Variants in SPHKAP observed in about 807,000 individuals in gnomAD.
SPHKAP encodes SPHK1 interactor, AKAP domain containing.
In SPHKAP, 67 loss-of-function variants were observed where a neutral mutation model predicts 137.5. That is an observed-to-expected ratio of 0.49 (90% CI 0.40 to 0.60). The LOEUF is 0.60. SPHKAP is among the 20% of genes least tolerant of loss of function. SPHKAP has a pLI of 0.00. For synonymous variants in SPHKAP, 813 were observed against 785.3 expected, an observed-to-expected ratio of 1.04 and a Z score of -0.59; for missense variants, 2,097 against 2,069.3, an observed-to-expected ratio of 1.01 and a Z score of -0.26.
chr2:228,041,709 C>T (rs1241688267), intron 3 of SPHKAP, among the ~76,000 whole-genome samples: 2 of 150,448 alleles, frequency 1.3e-5, no homozygotes, highest in African/African-American at 4.9e-5. Context: ...CTTATGATCA[C>T]TAGAGGGTAT....
At chr2:228,107,922 C>T (rs1698394426) in intron 3 of SPHKAP, among the ~76,000 whole-genome samples, 1 of 152,162 alleles carries the variant, frequency 6.6e-6, no homozygotes, top group Non-Finnish European at 1.5e-5. Flanking sequence ...ATTGAATGGA[C>T]TGTATTTCTG....
At chr2:228,126,544 G>T (rs539686002) in intron 2 of SPHKAP, among the ~76,000 whole-genome samples, 12 of 152,236 alleles carry the variant, frequency 7.9e-5, no homozygotes, top group Non-Finnish European at 7.4e-5. Flanking sequence ...AAAAAAGAGG[G>T]AGAGAAAAGA....
intron 2 of SPHKAP, among the ~76,000 whole-genome samples, chr2:228,114,821 A>G (rs1324048305): frequency 6.6e-6 from 1 of 152,128 alleles, no homozygotes. Flanking sequence ...TCAGTCAACC[A>G]ATGCTCATTG....
chr2:228,173,530 G>A (rs988066107), intron 1 of SPHKAP, among the ~76,000 whole-genome samples: 12 of 152,322 alleles, frequency 7.9e-5, no homozygotes, highest in Non-Finnish European at 1.6e-4. Context: ...GTCAGATGGT[G>A]TGATGGGAGA....
chr2:228,066,042 G>A (rs1696818091), intron 3 of SPHKAP, among the ~76,000 whole-genome samples: 1 of 152,160 alleles, frequency 6.6e-6, no homozygotes, highest in African/African-American at 2.4e-5. Context: ...TTATTCTGGG[G>A]GCAGGGGGCT....
intron 7 of SPHKAP, among the ~76,000 whole-genome samples, chr2:228,006,660 T>A (rs898233073): frequency 2.0e-5 from 3 of 152,204 alleles, no homozygotes; most frequent in African/African-American, 7.2e-5. Flanking sequence ...CTTTTCCCCA[T>A]CTCTGTGGTT....
At chr2:228,116,340 A>G (rs895007064) in intron 2 of SPHKAP, among the ~76,000 whole-genome samples, 1 of 152,152 alleles carries the variant, frequency 6.6e-6, no homozygotes, top group African/African-American at 2.4e-5. Flanking sequence ...TTCAAATTCC[A>G]ATTCTTCCAT....
chr2:228,016,642 TTC>T lies in SPHKAP; in HGVS notation c.4210_4211del (p.Glu1404AsnfsTer28). On this transcript the variant is annotated frameshift_variant, in exon 7 of 12. Transcript: ENST00000392056. LOFTEE classifies it high-confidence loss of function. ...GTACAGGGTCCTGGCACGAGGAAGTTTCTTTTTTAGAATCTAAAGGGCTGTGG... is the reference window on the plus strand; with the variant it reads ...GTACAGGGTCCTGGCACGAGGAAGTTTTTTTTAGAATCTAAAGGGCTGTGG... ...TNHSPLDSKK[E>X]TSSCQDPVPI... The T allele has an allele frequency of 6.2e-7, 1 of 1,613,692 alleles. No homozygotes were observed. Among genetic ancestry groups the T allele is most frequent in the Non-Finnish European group, 8.5e-7 (1 of 1,179,932 alleles).
chr2:228,125,747 T>G (rs1279207099), intron 2 of SPHKAP, among the ~76,000 whole-genome samples: 1 of 152,108 alleles, frequency 6.6e-6, no homozygotes, highest in Non-Finnish European at 1.5e-5. Context: ...TCCCTTAGAT[T>G]CAGTTTAGTA....
At chr2:228,178,606 A>T in intron 1 of SPHKAP, among the ~76,000 whole-genome samples, 1 of 152,112 alleles carries the variant, frequency 6.6e-6, no homozygotes, top group East Asian at 1.9e-4. Context: ...CATAAAATAG[A>T]TGACTAAAGA....
intron 3 of SPHKAP, 145 bp downstream of exon 3, chr2:228,108,687 C>A: frequency 1.8e-6 from 1 of 565,710 alleles, no homozygotes; most frequent in South Asian, 2.4e-5. Flanking sequence ...TGTTAACTGT[C>A]CATATAAACC....
At chr2:228,162,496 A>G (rs1033603421) in intron 1 of SPHKAP, among the ~76,000 whole-genome samples, 1 of 152,216 alleles carries the variant, frequency 6.6e-6, no homozygotes, top group Non-Finnish European at 1.5e-5. Flanking sequence ...TTTTAAATAA[A>G]TTATATTCAT....
At position 228,058,159 on chromosome 2, in the gene SPHKAP, T is replaced by C. The variant is rs149355011; in HGVS notation, c.247-30616A>G. Among the ~76,000 whole-genome samples, 592 of 152,296 alleles carry C rather than the reference T, an allele frequency of 3.9e-3. 4 individuals are homozygous for C. The highest frequency in any genetic ancestry group is 0.014 in the African/African-American group (570 of 41,552). ...TGTGACCAGAAACAAAAGCCTCCAGTTGACATCCACCACTCCAGCTACCCC... is the reference window on the plus strand; with the variant it reads ...TGTGACCAGAAACAAAAGCCTCCAGCTGACATCCACCACTCCAGCTACCCC... On this transcript the variant is annotated intron_variant, in intron 3 of 11. Transcript: ENST00000392056.
rs749696645 is a variant in SPHKAP, at chr2:228,020,062, C to A, written c.792G>T (p.Trp264Cys). 2.5e-6 allele frequency: 4 copies of A among 1,614,192 alleles called. No individual in the cohort carries two copies. In the South Asian group the frequency reaches 4.4e-5, roughly 18 times the overall value. The change falls in exon 7 of 12, where the codon TGG becomes TGT. Residue 264 changes from tryptophan (W) to cysteine (C), a missense_variant. Trp to Cys is a radical substitution (Grantham distance 215). Transcript: ENST00000392056. ...QVEWNCNKEKWLYALEDKYIN... is the reference protein window; with the variant it reads ...QVEWNCNKEKCLYALEDKYIN... ...TGTATTTGTCTTCCAAAGCATAAAG[C>A]CACTTTTCCTTGTTGCAATTCCATT...
intron 7 of SPHKAP, among the ~76,000 whole-genome samples, chr2:228,001,666 C>T (rs1280254443): frequency 6.6e-6 from 1 of 151,280 alleles, no homozygotes; most frequent in African/African-American, 2.4e-5. Context: ...GTGTGCTGCA[C>T]CCATTAACTC....
intron 7 of SPHKAP, among the ~76,000 whole-genome samples, chr2:228,006,604 A>G (rs1164865165): frequency 6.6e-6 from 1 of 151,810 alleles, no homozygotes; most frequent in East Asian, 1.9e-4. Context: ...CCTTTGGAGG[A>G]GGAGAGGCGC....
intron 3 of SPHKAP, among the ~76,000 whole-genome samples, chr2:228,075,084 T>C (rs1697135261): frequency 6.6e-6 from 1 of 152,180 alleles, no homozygotes. Context: ...GTCACCATGG[T>C]AGCTCCAGGG....
intron 3 of SPHKAP, among the ~76,000 whole-genome samples, chr2:228,045,003 A>C (rs6738768): frequency 0.055 from 8,434 of 152,196 alleles, 271 homozygotes; most frequent in South Asian, 0.082. Flanking sequence ...AAAAATGCTC[A>C]TCATCACTGG....
chr2:228,108,933 G>A lies in SPHKAP; in HGVS notation c.145C>T (p.Arg49Cys), dbSNP rs1056126785. 1.1e-5 allele frequency: 18 copies of A among 1,594,014 alleles called. No homozygotes were observed. Among genetic ancestry groups the A allele is most frequent in the Non-Finnish European group, 1.4e-5 (17 of 1,173,682 alleles). The change falls in exon 3 of 12, where the codon CGC (arginine) becomes TGC (cysteine). Residue 49 changes from arginine to cysteine, a missense_variant. Arg to Cys is a radical substitution (Grantham distance 180). Coordinates refer to ENST00000392056, the MANE Select transcript of SPHKAP (RefSeq NM_001142644.2). ...NSITACKKVLRSNSLLESTDY... is the reference protein window; with the variant it reads ...NSITACKKVLCSNSLLESTDY... ...GTTGACTCCAGCAGGCTATTGCTGC[G>A]AAGAACCTGGAGGAACCCAGAAAAA...
Sources: gnomAD v4.1 joint callset for allele counts (sites outside exome capture counted in the v4.1 genomes callset) on GRCh38, gnomAD v4.1.1 for gene constraint, MANE v1.5 for transcripts, NCBI Gene and HGNC (gene_info 2026-07-23, HGNC 2026-07-21) for gene names.